The following CACTIN variants were observed in gnomAD, a reference collection of about 807,000 sequenced individuals.
CACTIN encodes the protein cactin, spliceosome C complex subunit.
In CACTIN, 20 loss-of-function variants were observed where a neutral mutation model predicts 84.9. The observed-to-expected ratio is 0.24, with a 90% CI of 0.17 to 0.34. The LOEUF is 0.34. Ranked by LOEUF, CACTIN falls within the 10% of genes least tolerant of loss-of-function variation. CACTIN has a pLI of 1.00. For synonymous variants in CACTIN, 549 were observed against 467.9 expected (o/e 1.17, Z -2.24); for missense variants, 897 against 1,117.2 (o/e 0.80, Z 2.81).
intron 1 of CACTIN, among the ~76,000 whole-genome samples, chr19:3,625,396 TAC>T (rs966912792): frequency 2.9e-4 from 44 of 152,244 alleles, no homozygotes; most frequent in African/African-American, 9.4e-4. Flanking sequence ...ATAATTCCAA[TAC>T]CAGAAAATGG....
chr19:3,617,627 C>T (rs528625111), intron 6 of CACTIN, among the ~76,000 whole-genome samples: 1 of 151,614 alleles, frequency 6.6e-6, no homozygotes, highest in African/African-American at 2.4e-5. Context: ...GCCTCCCAGT[C>T]TTACAGGAGA....
At position 3,626,670 on chromosome 19, in the gene CACTIN, G is replaced by A; in HGVS notation, c.93C>T (p.Ser31=). The change falls in exon 1 of 10, where the codon AGC becomes AGT. Residue 31 remains serine (S), a synonymous_variant. Transcript: ENST00000429344. ...SQSGSRSRSR[S]HGRRNRRRRE... is the part of the protein sequence containing the mutation. ...GGCGCCGTCGGTTTCGCCGCCCATG[G>A]CTCCTGCTCCGACTTCGGCTCCCGC... 1 of 1,529,230 alleles carries A rather than the reference G, an allele frequency of 6.5e-7. No homozygotes were observed. The highest frequency in any genetic ancestry group is 8.7e-7 in the Non-Finnish European group (1 of 1,146,940). The allele number at this position is 1,529,230 out of a possible 1,614,324, so 94.7% of individuals were successfully genotyped here.
intron 2 of CACTIN, among the ~76,000 whole-genome samples, chr19:3,622,164 G>A (rs938340399): frequency 6.6e-6 from 1 of 152,044 alleles, no homozygotes; most frequent in Non-Finnish European, 1.5e-5. Flanking sequence ...TCAGGAGTTC[G>A]AGACCAGCCT....
rs559179251 is a variant in CACTIN at position 3,610,890 on chromosome 19, G to A, written c.*1033C>T. The A allele has an allele frequency of 3.1e-5, 14 of 456,642 alleles. No individual in the cohort carries two copies. Among genetic ancestry groups the A allele is most frequent in the Non-Finnish European group, 5.7e-5 (13 of 227,002 alleles). 28.3% of individuals were successfully genotyped at this position (456,642 alleles called of 1,614,324 possible). ...TTTTGCTTCTGTTGGAGATGTTCCC[G>A]TCGGATGCTGAAGAACAAGCCTGCC... On this transcript the variant is annotated 3_prime_UTR_variant, in exon 10 of 10. Transcript: ENST00000429344.
At chr19:3,620,079 G>T in intron 4 of CACTIN, 48 bp downstream of exon 4, 1 of 1,599,130 alleles carries the variant, frequency 6.3e-7, no homozygotes, top group East Asian at 2.2e-5. Context: ...CCAGTGCCCG[G>T]CCCTGGCTCC....
At chr19:3,620,512 A>G (rs1391397236) in intron 3 of CACTIN, 195 bp downstream of exon 3, 1 of 660,892 alleles carries the variant, frequency 1.5e-6, no homozygotes, top group Non-Finnish European at 2.6e-6. Flanking sequence ...GTGGGAGTGA[A>G]GGCCCGAGGC....
At chr19:3,623,536 A>G (rs7253265) in intron 2 of CACTIN, among the ~76,000 whole-genome samples, 152 bp downstream of exon 2, 92,541 of 151,798 alleles carry the variant, frequency 0.61, 28,325 homozygotes, top group Admixed American at 0.65. Context: ...GTCAAAAAAG[A>G]AAGCTGATAG....
chr19:3,626,323 G>T (rs181384701), intron 1 of CACTIN, among the ~76,000 whole-genome samples: 2 of 152,334 alleles, frequency 1.3e-5, no homozygotes, highest in East Asian at 1.9e-4. Context: ...CACAGGGCTC[G>T]ATATGATATG....
At chr19:3,625,720 C>A (rs1006584301) in intron 1 of CACTIN, among the ~76,000 whole-genome samples, 7 of 152,210 alleles carry the variant, frequency 4.6e-5, no homozygotes. Flanking sequence ...GAGCAAGACT[C>A]CGTCTCAAAA....
At chr19:3,621,233 G>T (rs2033218144) in intron 2 of CACTIN, among the ~76,000 whole-genome samples, 1 of 152,252 alleles carries the variant, frequency 6.6e-6, no homozygotes, top group Non-Finnish European at 1.5e-5. Flanking sequence ...ACGTGGGACA[G>T]GGCAGGAACA....
chr19:3,616,684 T>C (rs1045911666), intron 6 of CACTIN: 5 of 152,216 alleles, frequency 3.3e-5, no homozygotes, highest in Non-Finnish European at 7.3e-5. Flanking sequence ...AAAAAAACTT[T>C]AATTTTGTAA....
rs2032991427 is a variant in CACTIN, at chr19:3,612,665, C to T, written c.1787-252G>A. 1.7e-5 allele frequency: 12 copies of T among 715,598 alleles called. No individual in the cohort carries two copies. In the South Asian group the frequency reaches 1.8e-4, roughly 11 times the overall value. The allele number at this position is 715,598 out of a possible 1,614,324, so 44.3% of individuals were successfully genotyped here. ...GGACCAAGCGCAGCGCGCTTCCCCGCCGAGCGACAGGAGAACCTGGTGGTT... is the reference window on the plus strand; with the variant it reads ...GGACCAAGCGCAGCGCGCTTCCCCGTCGAGCGACAGGAGAACCTGGTGGTT... On this transcript the variant is annotated intron_variant, in intron 9 of 9. Transcript: ENST00000429344.
chr19:3,613,963 CA>C, intron 7 of CACTIN: 5 of 411,866 alleles, frequency 1.2e-5, no homozygotes, highest in South Asian at 3.1e-5. Context: ...ACAGCGGTGC[CA>C]AAAACACTCC....
Position 3,612,258 on chromosome 19 carries a change from G to C in CACTIN, c.1942C>G (p.Arg648Gly). 6.2e-7 allele frequency: 1 copy of C among 1,613,254 alleles called. No homozygotes were observed. Among genetic ancestry groups the C allele is most frequent in the Non-Finnish European group, 8.5e-7 (1 of 1,179,898 alleles). ...TTCCACTCGAAGCCCGTGTGCACGC[G>C]GTTGAAGAAGCGCGGCTTGCGTGGC... is the stretch of plus-strand genomic sequence containing the variant. ...YRPRKPRFFN[R>G]VHTGFEWNKY... The change falls in exon 10 of 10, where the codon CGC (arginine) becomes GGC (glycine). Residue 648 changes from arginine (R) to glycine (G), a missense_variant. Transcript: ENST00000429344.
chr19:3,614,493 CCCTGGAAGATGA>C lies in CACTIN; in HGVS notation c.1247_1258del (p.Val416_Gln419del), dbSNP rs751614764. 1.9e-6 allele frequency: 3 copies of C among 1,604,964 alleles called. No individual in the cohort carries two copies. The Admixed American group carries it at 5.1e-5, about 27-fold the overall frequency. On this transcript the variant is annotated inframe_deletion, in exon 7 of 10. Coordinates refer to ENST00000429344, the MANE Select transcript of CACTIN (RefSeq NM_001080543.2). ...ACCAGCGCGGATTTTGCCCTCGATG[CCCTGGAAGATGA>C]CCTGCAGCTGGTTGTATGTCTTCCC...
At position 3,612,398 on chromosome 19, in the gene CACTIN, C is replaced by G; in HGVS notation, c.1802G>C (p.Ser601Thr). The change falls in exon 10 of 10, where the codon AGC becomes ACC. Residue 601 changes from serine (S) to threonine (T), a missense_variant. Coordinates refer to ENST00000429344, the MANE Select transcript of CACTIN (RefSeq NM_001080543.2). The part of the protein sequence containing the change: ...QLQVTGDASE[S>T]AEDIFFRRAK... The stretch of plus-strand genomic sequence containing the variant: ...CCGCCGGAAGAAGATGTCCTCGGCG[C>G]TCTCGCTGGCGTCTCCTGCGGGCGG... 2 of 1,596,530 alleles carry G rather than the reference C, an allele frequency of 1.3e-6. No homozygotes were observed. The highest frequency in any genetic ancestry group is 2.7e-5 in the African/African-American group (2 of 74,904).
At chr19:3,618,785 G>T in intron 6 of CACTIN, 90 bp downstream of exon 6, 2 of 1,052,130 alleles carry the variant, frequency 1.9e-6, no homozygotes, top group Non-Finnish European at 2.8e-6. Context: ...CCTGCAGAGA[G>T]CACCAGGCCC....
rs1219843347 is a variant in CACTIN, at chr19:3,613,253, C to T, written c.1591G>A (p.Gly531Ser). 3.1e-6 allele frequency: 5 copies of T among 1,609,700 alleles called. No homozygotes were observed. Among genetic ancestry groups the T allele is most frequent in the Admixed American group, 1.7e-5 (1 of 59,904 alleles). The change falls in exon 9 of 10, where the codon GGT becomes AGT. Residue 531 changes from glycine to serine, a missense_variant. This residue lies in a region of CACTIN where 243 missense variants were observed against 239.9 expected (regional missense o/e 1.01). Coordinates refer to ENST00000429344, the MANE Select transcript of CACTIN (RefSeq NM_001080543.2). ...TPTEGDGDGD[G>S]EGEGEGEAVL... is the part of the protein sequence containing the mutation. ...GCCTCGCCCTCGCCCTCGCCCTCAC[C>T]GTCCCCGTCGCCGTCGCCCTCTGTC...
chr19:3,618,267 G>A (rs902866269), intron 6 of CACTIN, among the ~76,000 whole-genome samples: 1 of 152,058 alleles, frequency 6.6e-6, no homozygotes, highest in African/African-American at 2.4e-5. Context: ...AGGACTAGGG[G>A]TGCTCCTGAC....
Sources: gnomAD v4.1 joint callset for allele counts (sites outside exome capture counted in the v4.1 genomes callset) on GRCh38, gnomAD v4.1.1 for gene constraint, gnomAD v4.1.1 regional missense constraint, MANE v1.5 for transcripts, NCBI Gene and HGNC (gene_info 2026-07-23, HGNC 2026-07-21) for gene names.